LMX1A: variants seen among roughly 807,000 people sequenced by gnomAD.
LMX1A encodes LIM homeobox transcription factor 1 alpha, also known as LIM homeobox transcription factor 1-alpha.
Under a neutral mutation model 49.1 loss-of-function variants are expected in LMX1A, and 15 were observed. The observed-to-expected ratio is 0.31, with a 90% CI of 0.20 to 0.47. The LOEUF is 0.47. Ranked by LOEUF, LMX1A falls within the 20% of genes least tolerant of loss-of-function variation. The pLI is 1.00. For synonymous variants in LMX1A, 167 were observed against 185.7 expected, an observed-to-expected ratio of 0.90 and a Z score of 0.82; for missense variants, 372 against 475.8, an observed-to-expected ratio of 0.78 and a Z score of 2.03.
chr1:165,237,327 G>C (rs1652487559), intron 4 of LMX1A, among the ~76,000 whole-genome samples: 1 of 152,178 alleles, frequency 6.6e-6, no homozygotes, highest in Non-Finnish European at 1.5e-5. Flanking sequence ...GGGTTCAAGC[G>C]ATTCTCCTGC....
rs35130714 is a variant in LMX1A at position 165,205,901 on chromosome 1, G to A, written c.951C>T (p.Thr317=). The A allele has an allele frequency of 2.1e-3, 3,367 of 1,614,056 alleles. 48 individuals are homozygous for A. In the African/African-American group the frequency reaches 0.038, roughly 18 times the overall value. ...YSSDPFRQGL[T]PPQMPGDHMH... Reference sequence around the variant, plus strand: ...TGTGGTCTCCAGGCATCTGGGGTGGGGTGAGACCCTGTCGGAAGGGATCTG... The same window carrying A: ...TGTGGTCTCCAGGCATCTGGGGTGGAGTGAGACCCTGTCGGAAGGGATCTG... Residue 317 remains threonine (T), a synonymous_variant, in exon 8 of 9, where the codon ACC becomes ACT. Transcript: ENST00000342310.
At chr1:165,353,594 A>G (rs1656500088) in intron 2 of LMX1A, among the ~76,000 whole-genome samples, 1 of 152,224 alleles carries the variant, frequency 6.6e-6, no homozygotes, top group Non-Finnish European at 1.5e-5. Context: ...TTGTGCTCTC[A>G]GGTTTATTAC....
chr1:165,260,418 G>GAAGA (rs1363426207), intron 3 of LMX1A, among the ~76,000 whole-genome samples: 2 of 152,008 alleles, frequency 1.3e-5, no homozygotes, highest in East Asian at 3.9e-4. Flanking sequence ...TTTTGATGGG[G>GAAGA]AAGATTCTGG....
intron 3 of LMX1A, among the ~76,000 whole-genome samples, chr1:165,287,595 T>G (rs920174745): frequency 6.6e-6 from 1 of 151,850 alleles, no homozygotes; most frequent in Non-Finnish European, 1.5e-5. Context: ...GCCCAAACAT[T>G]CCAGGATTCA....
intron 3 of LMX1A, among the ~76,000 whole-genome samples, chr1:165,352,764 G>C (rs372250355): frequency 6.6e-6 from 1 of 152,260 alleles, no homozygotes; most frequent in African/African-American, 2.4e-5. Context: ...GGCTAACAAA[G>C]AGTGGCCTCT....
chr1:165,252,452 T>A (rs1242078024), intron 3 of LMX1A, among the ~76,000 whole-genome samples: 1 of 152,202 alleles, frequency 6.6e-6, no homozygotes, highest in African/African-American at 2.4e-5. Flanking sequence ...CATAATTGCA[T>A]TTGTCACAAC....
chr1:165,347,590 A>G (rs1656289990), intron 3 of LMX1A, among the ~76,000 whole-genome samples: 1 of 152,250 alleles, frequency 6.6e-6, no homozygotes, highest in Non-Finnish European at 1.5e-5. Context: ...AAAACACTGA[A>G]GTAGAGCTAA....
chr1:165,324,232 A>G (rs549522964), intron 3 of LMX1A, among the ~76,000 whole-genome samples: 1 of 152,310 alleles, frequency 6.6e-6, no homozygotes, highest in Non-Finnish European at 1.5e-5. Flanking sequence ...GCGTGTGAAA[A>G]CTAACGCCCA....
intron 4 of LMX1A, among the ~76,000 whole-genome samples, chr1:165,248,786 C>T (rs1200295936): frequency 6.6e-6 from 1 of 152,158 alleles, no homozygotes; most frequent in Non-Finnish European, 1.5e-5. Context: ...CCATCATCCT[C>T]TTTAATAGTA....
chr1:165,203,260 G>A lies in LMX1A; in HGVS notation c.*620C>T, dbSNP rs1650921236. On this transcript the variant is annotated 3_prime_UTR_variant, in exon 9 of 9. Coordinates refer to ENST00000342310, the MANE Select transcript of LMX1A (RefSeq NM_177398.4). ...GAACCCCAGCACTCAAAGCTATGGG[G>A]CTAGGTGGAGCAGCCCTCTCTGCCC... is the stretch of plus-strand genomic sequence containing the variant. The A allele has an allele frequency of 6.6e-6, 1 of 152,662 alleles. No individual in the cohort carries two copies. Among genetic ancestry groups the A allele is most frequent in the Admixed American group, 6.5e-5 (1 of 15,280 alleles). The allele number at this position is 152,662 out of a possible 1,614,324, so 9.5% of individuals were successfully genotyped here. A position where few individuals can be genotyped will look rare whatever the true frequency, so the allele number is the denominator to read the frequency against.
At position 165,249,778 on chromosome 1, in the gene LMX1A, GTTAT is replaced by G. The variant is rs1407423027; in HGVS notation, c.264-142_264-139del. 4 of 662,602 alleles carry G rather than the reference GTTAT, an allele frequency of 6.0e-6. No homozygotes were observed. The Admixed American group carries it at 7.6e-5, about 13-fold the overall frequency. 41.0% of individuals were successfully genotyped at this position (662,602 alleles called of 1,614,324 possible). A position where few individuals can be genotyped will look rare whatever the true frequency, so the allele number is the denominator to read the frequency against. On this transcript the variant is annotated intron_variant, in intron 3 of 8. Transcript: ENST00000342310. ...AGAATGGAATGTACTTTAAATCCAG[GTTAT>G]TTATTCCCTAAGGAGATTGAATTGA...
At chr1:165,241,061 C>T (rs908390474) in intron 4 of LMX1A, among the ~76,000 whole-genome samples, 14 of 152,154 alleles carry the variant, frequency 9.2e-5, no homozygotes, top group African/African-American at 2.9e-4. Context: ...GTTTTTCCCC[C>T]AGTCTTCTGC....
At chr1:165,261,957 C>T (rs1001399836) in intron 3 of LMX1A, among the ~76,000 whole-genome samples, 1 of 152,088 alleles carries the variant, frequency 6.6e-6, no homozygotes, top group African/African-American at 2.4e-5. Context: ...GATAGTAGCA[C>T]AACAGTATGA....
chr1:165,238,325 A>G (rs2102627344), intron 4 of LMX1A, among the ~76,000 whole-genome samples: 1 of 152,354 alleles, frequency 6.6e-6, no homozygotes, highest in African/African-American at 2.4e-5. Context: ...CTGGACAAAA[A>G]GTCAACTGAT....
intron 3 of LMX1A, among the ~76,000 whole-genome samples, chr1:165,254,577 T>TA (rs1653168870): frequency 6.6e-6 from 1 of 152,228 alleles, no homozygotes; most frequent in Admixed American, 6.5e-5. Flanking sequence ...TACACAGCTG[T>TA]ACGGCTACCG....
Position 165,204,017 on chromosome 1 carries a change from G to T in LMX1A, c.1012C>A (p.Leu338Met). Residue 338 changes from leucine (L) to methionine (M), a missense_variant, in exon 9 of 9, where the codon CTG becomes ATG. Around this residue, in one of 3 missense-constraint regions of LMX1A, gnomAD observed 127 missense variants for 138.0 expected, o/e 0.92. Coordinates refer to ENST00000342310, the MANE Select transcript of LMX1A (RefSeq NM_177398.4). ...CTGAGGGAGGTGTCGTCGCTATCCA[G>T]GTCATGGAAAAGGGGCTCGGCACCT... ...PYGAEPLFHD[L>M]DSDDTSLSNL... The T allele has an allele frequency of 6.2e-7, 1 of 1,614,100 alleles. No individual in the cohort carries two copies. Among genetic ancestry groups the T allele is most frequent in the Non-Finnish European group, 8.5e-7 (1 of 1,180,014 alleles).
chr1:165,257,686 T>C (rs1035216799), intron 3 of LMX1A, among the ~76,000 whole-genome samples: 2 of 152,112 alleles, frequency 1.3e-5, no homozygotes, highest in African/African-American at 2.4e-5. Context: ...TTTCAAGATA[T>C]AGGCAGAAAT....
In LMX1A at chr1:165,213,625, C is replaced by T; in HGVS notation, c.669+16G>A. On this transcript the variant is annotated intron_variant, in intron 5 of 8. Coordinates refer to ENST00000342310, the MANE Select transcript of LMX1A (RefSeq NM_177398.4). The stretch of plus-strand genomic sequence containing the variant: ...AGTGGGGCCCAGCTCCTTTTCCTCC[C>T]TGCTCCCTCCTATACCTTCCTGCAG... The T allele has an allele frequency of 1.2e-6, 2 of 1,608,492 alleles. No homozygotes were observed. Among genetic ancestry groups the T allele is most frequent in the East Asian group, 2.2e-5 (1 of 44,804 alleles).
intron 3 of LMX1A, among the ~76,000 whole-genome samples, chr1:165,301,193 T>C (rs1410798062): frequency 6.6e-6 from 1 of 152,140 alleles, no homozygotes; most frequent in Non-Finnish European, 1.5e-5. Flanking sequence ...CATTTTAATA[T>C]CCCTTCCCCT....
Sources: gnomAD v4.1 joint callset for allele counts (sites outside exome capture counted in the v4.1 genomes callset) on GRCh38, gnomAD v4.1.1 for gene constraint, gnomAD v4.1.1 regional missense constraint, MANE v1.5 for transcripts, NCBI Gene and HGNC (gene_info 2026-07-23, HGNC 2026-07-21) for gene names.